The following EPC2 variants were observed in gnomAD, a reference collection of about 807,000 sequenced individuals.
EPC2 encodes enhancer of polycomb homolog 2.
Under a neutral mutation model 92.1 loss-of-function variants are expected in EPC2, and 14 were observed. The observed-to-expected ratio is 0.15, with a 90% confidence interval of 0.10 to 0.24. The LOEUF is 0.24. EPC2 is among the 10% of genes least tolerant of loss of function. The pLI is 1.00. For missense variants in EPC2, 755 were observed against 971.5 expected (o/e 0.78, Z 2.96); for synonymous variants, 340 against 334.7 (o/e 1.02, Z -0.17).
intron 4 of EPC2, among the ~76,000 whole-genome samples, chr2:148,759,959 G>C (rs1412747885): frequency 6.6e-6 from 1 of 151,978 alleles, no homozygotes; most frequent in East Asian, 1.9e-4. Context: ...AAAGAGAACA[G>C]AGGCTGGGGG....
At position 148,690,205 on chromosome 2, in the gene EPC2, AT is replaced by A. The variant is rs752607307; in HGVS notation, c.154-5del. On this transcript the variant is annotated splice_region_variant and splice_polypyrimidine_tract_variant and intron_variant, in intron 1 of 13. Transcript: ENST00000258484. Reference sequence around the variant, plus strand: ...AAACAACTTATGTTGCCTACTTTACATTTTCCAGGAACATCATTTACAGCGA... The same window carrying A: ...AAACAACTTATGTTGCCTACTTTACATTTCCAGGAACATCATTTACAGCGA... The A allele has an allele frequency of 5.1e-6, 8 of 1,583,258 alleles. No homozygotes were observed. The Admixed American group carries it at 1.6e-4, about 31-fold the overall frequency.
Position 148,771,030 on chromosome 2 carries a change from A to G in EPC2, c.1377-14A>G. On this transcript the variant is annotated splice_polypyrimidine_tract_variant and intron_variant, in intron 9 of 13. Coordinates refer to ENST00000258484, the MANE Select transcript of EPC2 (RefSeq NM_015630.4). The stretch of plus-strand genomic sequence containing the variant: ...GCTCTCTCAGTTAATATTTGGTTTT[A>G]TTTTGCTTTTCAGGGTCATAATGGA... 1.3e-6 allele frequency: 2 copies of G among 1,593,426 alleles called. No homozygotes were observed. The highest frequency in any genetic ancestry group is 1.7e-6 in the Non-Finnish European group (2 of 1,171,368).
intron 7 of EPC2, among the ~76,000 whole-genome samples, chr2:148,768,519 G>A (rs1204782815): frequency 2.6e-5 from 4 of 152,176 alleles, no homozygotes; most frequent in South Asian, 2.1e-4. Flanking sequence ...CTAGCGTTGC[G>A]GGCTTATCTC....
At chr2:148,751,884 A>G (rs188126136) in intron 3 of EPC2, among the ~76,000 whole-genome samples, 3,832 of 148,658 alleles carry the variant, frequency 0.026, 56 homozygotes, top group East Asian at 0.032. Context: ...GCTTTATAAC[A>G]ACATACAGCA....
At chr2:148,752,823 A>T (rs1215078062) in intron 3 of EPC2, among the ~76,000 whole-genome samples, 1 of 152,192 alleles carries the variant, frequency 6.6e-6, no homozygotes, top group Admixed American at 6.5e-5. Context: ...TATTTGGTGA[A>T]TTTTGAGTTC....
intron 2 of EPC2, among the ~76,000 whole-genome samples, chr2:148,725,595 G>A (rs552278523): frequency 5.5e-4 from 83 of 152,114 alleles, no homozygotes; most frequent in East Asian, 1.9e-3. Flanking sequence ...ATAATTGTCC[G>A]AAAAATGTCC....
Position 148,786,391 on chromosome 2 carries a change from G to T in EPC2, c.*14G>T, listed in dbSNP as rs2105444619. 6.3e-7 allele frequency: 1 copy of T among 1,596,890 alleles called. No homozygotes were observed. Among genetic ancestry groups the T allele is most frequent in the South Asian group, 1.1e-5 (1 of 88,236 alleles). ...GAAGTGACATAACCTAAAACACGTG[G>T]CTCTGACCTGTGCTGATGGTGTGCA... On this transcript the variant is annotated 3_prime_UTR_variant, in exon 14 of 14. Coordinates refer to ENST00000258484, the MANE Select transcript of EPC2 (RefSeq NM_015630.4).
intron 1 of EPC2, among the ~76,000 whole-genome samples, chr2:148,678,606 TG>T (rs1237985666): frequency 6.6e-5 from 10 of 152,238 alleles, no homozygotes; most frequent in Admixed American, 6.5e-5. Flanking sequence ...CTGGCACTGC[TG>T]GGGGACCCAG....
chr2:148,703,335 T>TA (rs1451654683), intron 2 of EPC2, among the ~76,000 whole-genome samples: 3 of 152,270 alleles, frequency 2.0e-5, no homozygotes, highest in African/African-American at 4.8e-5. Flanking sequence ...AGTTTTTTTT[T>TA]AAAAAGTATG....
rs57093370 is a variant in EPC2, at chr2:148,695,160, T to C, written c.313+4787T>C. Among the ~76,000 whole-genome samples, 1,517 of 152,302 alleles carry C rather than the reference T, an allele frequency of 1.0e-2. 25 individuals are homozygous for C. The highest frequency in any genetic ancestry group is 0.034 in the African/African-American group (1,422 of 41,564). ...ATAGTTCTTGGTAGCAGGACTCTCT[T>C]TTCTTATTTTGAAATGAAAGTTTAC... On this transcript the variant is annotated intron_variant, in intron 2 of 13. Coordinates refer to ENST00000258484, the MANE Select transcript of EPC2 (RefSeq NM_015630.4).
chr2:148,769,838 A>G (rs1054553894), intron 8 of EPC2, among the ~76,000 whole-genome samples: 5 of 152,172 alleles, frequency 3.3e-5, no homozygotes, highest in Non-Finnish European at 7.3e-5. Flanking sequence ...TGGCTTGTAG[A>G]GATCATTTAT....
At chr2:148,657,484 A>T (rs1680827173) in intron 1 of EPC2, among the ~76,000 whole-genome samples, 1 of 152,104 alleles carries the variant, frequency 6.6e-6, no homozygotes, top group Non-Finnish European at 1.5e-5. Flanking sequence ...AGTGGGTCTT[A>T]TTCCTCTTAG....
chr2:148,733,608 C>CACCATAA (rs1682690987), intron 2 of EPC2, among the ~76,000 whole-genome samples: 1 of 149,610 alleles, frequency 6.7e-6, no homozygotes, highest in African/African-American at 2.5e-5. Flanking sequence ...AGCCATCCTC[C>CACCATAA]CAGCTCAGCC....
intron 2 of EPC2, among the ~76,000 whole-genome samples, chr2:148,735,453 C>T (rs1217138651): frequency 1.3e-5 from 2 of 151,834 alleles, no homozygotes; most frequent in East Asian, 1.9e-4. Flanking sequence ...GTCCATTTTT[C>T]TCTGGGTCAT....
At chr2:148,693,980 CT>C (rs966512129) in intron 2 of EPC2, among the ~76,000 whole-genome samples, 5 of 151,912 alleles carry the variant, frequency 3.3e-5, no homozygotes, top group African/African-American at 1.2e-4. Context: ...AGAGAAGGGA[CT>C]TTTTTTTCTT....
rs1026470703 is a variant in EPC2, at chr2:148,675,728, G to C, written c.154-14486G>C. ...TTTCCCAGAATTTTACGGCACTCTTGTGCTGATGGCCTATCTCATTGTTTT... is the reference window on the plus strand; with the variant it reads ...TTTCCCAGAATTTTACGGCACTCTTCTGCTGATGGCCTATCTCATTGTTTT... On this transcript the variant is annotated intron_variant, in intron 1 of 13. Coordinates refer to ENST00000258484, the MANE Select transcript of EPC2 (RefSeq NM_015630.4). Among the ~76,000 whole-genome samples the C allele has an allele frequency of 4.6e-5, 7 of 152,086 alleles. No homozygotes were observed. The East Asian group carries it at 1.4e-3, about 29-fold the overall frequency.
intron 4 of EPC2, among the ~76,000 whole-genome samples, chr2:148,759,390 G>A (rs981717105): frequency 2.6e-5 from 4 of 152,016 alleles, no homozygotes; most frequent in Admixed American, 2.0e-4. Context: ...ACTGCGCCCG[G>A]CCAAAAAAAG....
chr2:148,689,832 C>G (rs1230797891), intron 1 of EPC2, among the ~76,000 whole-genome samples: 5 of 152,142 alleles, frequency 3.3e-5, no homozygotes, highest in Non-Finnish European at 7.4e-5. Flanking sequence ...GCAGAAGATA[C>G]TTAAAATCTG....
At chr2:148,772,499 G>T (rs1683546172) in intron 10 of EPC2, among the ~76,000 whole-genome samples, 1 of 151,996 alleles carries the variant, frequency 6.6e-6, no homozygotes, top group Non-Finnish European at 1.5e-5. Context: ...TTGAAATTTG[G>T]TCTCAATAAT....
Sources: allele counts gnomAD v4.1 joint callset (sites outside exome capture counted in the v4.1 genomes callset), GRCh38; gene constraint gnomAD v4.1.1; transcripts MANE v1.5; gene names NCBI Gene and HGNC (gene_info 2026-07-23, HGNC 2026-07-21).